Variants in CLCN4 observed in about 807,000 individuals in gnomAD.
CLCN4 encodes the protein H(+)/Cl(-) exchange transporter 4.
CLCN4 carries 1 observed loss-of-function variant against 41.7 expected under a neutral mutation model. That is an observed-to-expected ratio of 0.02 (90% CI 0.01 to 0.11). The LOEUF (loss-of-function observed/expected upper bound fraction) is 0.11, where lower values mean the gene tolerates loss of function less well. CLCN4 is among the 10% of genes least tolerant of loss of function. The pLI is 1.00. For synonymous variants in CLCN4, 277 were observed against 285.8 expected (o/e 0.97, Z 0.31); for missense variants, 287 against 661.0 (o/e 0.43, Z 6.20).
intron 2 of CLCN4, among the ~76,000 whole-genome samples, chrX:10,167,527 C>T (rs984471630): frequency 8.9e-6 from 1 of 111,954 alleles, no homozygotes; most frequent in Non-Finnish European, 1.9e-5. Flanking sequence ...CCTGTGTCAC[C>T]AATAGGATAC....
chrX:10,179,692 G>A (rs1044246857), intron 2 of CLCN4, among the ~76,000 whole-genome samples: 1 of 111,582 alleles, frequency 9.0e-6, no homozygotes, highest in African/African-American at 3.3e-5. Flanking sequence ...GCGACATGCA[G>A]GGGGATAAGG....
At position 10,237,358 on chromosome X, in the gene CLCN4, C is replaced by G. The variant is rs1925277133; in HGVS notation, c.*3774C>G. ...GTGTTCTATCAGACTAAGCTTCTAGCCTTTGAAATGATTTACATGAGGAGA... is the reference window on the plus strand; with the variant it reads ...GTGTTCTATCAGACTAAGCTTCTAGGCTTTGAAATGATTTACATGAGGAGA... On this transcript the variant is annotated 3_prime_UTR_variant, in exon 13 of 13. Coordinates refer to ENST00000380833, the MANE Select transcript of CLCN4 (RefSeq NM_001830.4). The G allele has an allele frequency of 8.9e-6, 1 of 111,896 alleles. No individual in the cohort carries two copies. The highest frequency in any genetic ancestry group is 3.7e-4 in the South Asian group (1 of 2,686). The allele number at this position is 111,896 out of a possible 1,213,427, so 9.2% of individuals were successfully genotyped here.
rs373281073 is a variant in CLCN4, at chrX:10,213,703, G to A, written c.1599G>A (p.Val533=). 2.5e-6 allele frequency: 3 copies of A among 1,205,842 alleles called. No homozygotes were observed. The highest frequency in any genetic ancestry group is 3.4e-6 in the Non-Finnish European group (3 of 892,057). The part of the protein sequence containing the change: ...ACLGGVTRMT[V]SLVVIMFELT... ...CAGGTGGAGTTACCAGGATGACGGT[G>A]TCATTGGTGGTCATCATGTTTGAAT... Residue 533 remains valine, a synonymous_variant, in exon 11 of 13, where the codon GTG becomes GTA. Transcript: ENST00000380833.
intron 7 of CLCN4, 44 bp from the exon 8 acceptor site, chrX:10,206,652 T>C (rs1276197817): frequency 8.4e-7 from 1 of 1,190,438 alleles, no homozygotes; most frequent in Non-Finnish European, 1.1e-6. Context: ...ACGTTTGTTT[T>C]CATGGAAGGC....
intron 12 of CLCN4, among the ~76,000 whole-genome samples, chrX:10,222,332 TA>T (rs1376191480): frequency 9.0e-6 from 1 of 111,664 alleles, no homozygotes; most frequent in Non-Finnish European, 1.9e-5. Flanking sequence ...AACCTAGGGT[TA>T]TCTGCCCATT....
chrX:10,213,712 G>A lies in CLCN4; in HGVS notation c.1608G>A (p.Val536=), dbSNP rs1452629277. 4 of 1,209,743 alleles carry A rather than the reference G, an allele frequency of 3.3e-6. No individual in the cohort carries two copies. The highest frequency in any genetic ancestry group is 4.5e-6 in the Non-Finnish European group (4 of 893,847). Residue 536 remains valine (V), a synonymous_variant, in exon 11 of 13, where the codon GTG becomes GTA. Coordinates refer to ENST00000380833, the MANE Select transcript of CLCN4 (RefSeq NM_001830.4). ...GGVTRMTVSL[V]VIMFELTGGL... is the part of the protein sequence containing the mutation. The stretch of plus-strand genomic sequence containing the variant: ...TTACCAGGATGACGGTGTCATTGGT[G>A]GTCATCATGTTTGAATTAACCGGGG...
At chrX:10,205,398 A>G (rs986024132) in intron 6 of CLCN4, among the ~76,000 whole-genome samples, 59 of 102,789 alleles carry the variant, frequency 5.7e-4, no homozygotes, top group Non-Finnish European at 1.8e-4. Flanking sequence ...GCGTGAACCC[A>G]GGAGGCAGAG....
At position 10,208,329 on chromosome X, in the gene CLCN4, G is replaced by A; in HGVS notation, c.1128G>A (p.Val376=). The part of the protein sequence containing the change: ...GKYPVLEVIV[V]TAITAIIAYP... ...ACCCGGTGCTGGAGGTCATTGTGGT[G>A]ACTGCCATCACTGCCATCATTGCCT... The change falls in exon 9 of 13, where the codon GTG becomes GTA. Residue 376 remains valine (V), a synonymous_variant. Transcript: ENST00000380833. 1 of 1,211,128 alleles carries A rather than the reference G, an allele frequency of 8.3e-7. No homozygotes were observed. The highest frequency in any genetic ancestry group is 1.1e-6 in the Non-Finnish European group (1 of 895,410).
In CLCN4 at chrX:10,183,453, A is replaced by G. The variant is rs182757810; in HGVS notation, c.-11-1569A>G. Among the ~76,000 whole-genome samples, 732 of 112,398 alleles carry G rather than the reference A, an allele frequency of 6.5e-3. 5 individuals carry two copies. Among genetic ancestry groups the G allele is most frequent in the Non-Finnish European group, 8.9e-3 (475 of 53,285 alleles). On this transcript the variant is annotated intron_variant, in intron 2 of 12. Coordinates refer to ENST00000380833, the MANE Select transcript of CLCN4 (RefSeq NM_001830.4). ...ATACATGAGAGAAGCCTGCACTCAA[A>G]TGTTTTTATAACCACCCTTCAGATT...
chrX:10,156,986 T>C lies in CLCN4; in HGVS notation c.-389T>C, dbSNP rs1922969077. On this transcript the variant is annotated 5_prime_UTR_variant, in exon 1 of 13. Coordinates refer to ENST00000380833, the MANE Select transcript of CLCN4 (RefSeq NM_001830.4). ...GGGCCCTCCGGGCTGAAATCGACAT[T>C]TGCCTCTGGCAGGAAAATGAGCTTG... The C allele has an allele frequency of 3.4e-6, 1 of 297,834 alleles. No individual in the cohort carries two copies. Among genetic ancestry groups the C allele is most frequent in the Non-Finnish European group, 5.9e-6 (1 of 170,267 alleles). 24.5% of individuals were successfully genotyped at this position (297,834 alleles called of 1,213,427 possible).
intron 12 of CLCN4, among the ~76,000 whole-genome samples, chrX:10,232,637 A>T (rs1284661333): frequency 1.8e-5 from 2 of 111,769 alleles, no homozygotes; most frequent in African/African-American, 6.5e-5. Context: ...AAGGGACATG[A>T]TGTGTTCCTG....
intron 6 of CLCN4, among the ~76,000 whole-genome samples, chrX:10,203,603 G>A (rs1398684732): frequency 8.9e-6 from 1 of 111,760 alleles, no homozygotes; most frequent in Non-Finnish European, 1.9e-5. Flanking sequence ...CTTAAATACT[G>A]TATTGAGAAA....
chrX:10,189,573 A>G (rs181536142), intron 4 of CLCN4, among the ~76,000 whole-genome samples: 20 of 111,749 alleles, frequency 1.8e-4, no homozygotes, highest in Admixed American at 4.7e-4. Context: ...GTGATGCTGA[A>G]AATGAAGGGA....
intron 3 of CLCN4, among the ~76,000 whole-genome samples, chrX:10,187,079 T>A (rs987825458): frequency 7.1e-5 from 8 of 112,047 alleles, no homozygotes; most frequent in African/African-American, 2.6e-4. Flanking sequence ...TTCGTGCTGC[T>A]AAAATTTAAC....
intron 9 of CLCN4, among the ~76,000 whole-genome samples, chrX:10,209,985 C>T (rs1267795109): frequency 9.0e-6 from 1 of 111,512 alleles, no homozygotes; most frequent in East Asian, 2.8e-4. Flanking sequence ...GAAATCCCAT[C>T]TCCATTAACA....
At chrX:10,192,263 A>ACACACC (rs1419709815) in intron 4 of CLCN4, among the ~76,000 whole-genome samples, 1 of 109,755 alleles carries the variant, frequency 9.1e-6, no homozygotes, top group African/African-American at 3.4e-5. Context: ...ACACACACAC[A>ACACACC]CACACACACG....
intron 3 of CLCN4, among the ~76,000 whole-genome samples, chrX:10,186,653 A>G (rs947549916): frequency 9.0e-6 from 1 of 111,595 alleles, no homozygotes; most frequent in Admixed American, 9.4e-5. Context: ...AGCCAGGCTC[A>G]GTCATGAAGA....
intron 2 of CLCN4, among the ~76,000 whole-genome samples, chrX:10,162,186 T>A (rs1243456677): frequency 3.6e-5 from 4 of 110,148 alleles, no homozygotes; most frequent in Non-Finnish European, 5.7e-5. Flanking sequence ...GGCTGGCTAA[T>A]TTTTGTATTT....
At chrX:10,181,715 G>A (rs974013159) in intron 2 of CLCN4, among the ~76,000 whole-genome samples, 3 of 111,716 alleles carry the variant, frequency 2.7e-5, no homozygotes, top group Non-Finnish European at 5.6e-5. Flanking sequence ...TCATCTTCTA[G>A]AACCTGTTAT....
Sources: gnomAD v4.1 joint callset for allele counts (sites outside exome capture counted in the v4.1 genomes callset) on GRCh38, gnomAD v4.1.1 for gene constraint, MANE v1.5 for transcripts, NCBI Gene and HGNC (gene_info 2026-07-23, HGNC 2026-07-21) for gene names.